The following LACC1 variants were observed in gnomAD, a reference collection of about 807,000 sequenced individuals.
LACC1 encodes purine nucleoside phosphorylase LACC1.
Under a neutral mutation model 34.8 loss-of-function variants are expected in LACC1, and 25 were observed. The ratio of observed to expected loss-of-function variants is 0.72; its 90% CI spans 0.52 to 1.00. LACC1 has a LOEUF of 1.00. Ranked by LOEUF, LACC1 falls within the 50% of genes least tolerant of loss-of-function variation. LACC1 has a pLI of 0.00. For missense variants in LACC1, 426 were observed against 511.2 expected (o/e 0.83, Z 1.61); for synonymous variants, 162 against 168.0 (o/e 0.96, Z 0.28).
intron 2 of LACC1, among the ~76,000 whole-genome samples, 165 bp downstream of exon 2, chr13:43,881,712 A>G (rs528460028): frequency 3.2e-4 from 49 of 152,322 alleles, no homozygotes; most frequent in African/African-American, 1.1e-3. Flanking sequence ...GCCCTGTAGT[A>G]TCAGGGGTGT....
At chr13:43,879,817 G>GCGAGGC (rs878998840), upstream of LACC1, 8 of 46,260 alleles carry the variant, frequency 1.7e-4, no homozygotes, top group Admixed American at 1.5e-3. Context: ...GCGGGGCGAG[G>GCGAGGC]TGGGCGAGGT....
In LACC1 at chr13:43,882,051, A is replaced by G. The variant is rs575463866; in HGVS notation, c.563-134A>G. The G allele has an allele frequency of 1.3e-5, 8 of 620,120 alleles. No individual in the cohort carries two copies. In the South Asian group the frequency reaches 1.8e-4, roughly 14 times the overall value. The allele number at this position is 620,120 out of a possible 1,614,324, so 38.4% of individuals were successfully genotyped here. ...ACACAAAGCAGAATGCCATAAGAAC[A>G]TATGGAGGTACAAAATGCCATAGAA... On this transcript the variant is annotated intron_variant, in intron 2 of 6. Coordinates refer to ENST00000325686, the MANE Select transcript of LACC1 (RefSeq NM_153218.4).
At chr13:43,882,572 T>TATAC (rs1302870312) in intron 3 of LACC1, among the ~76,000 whole-genome samples, 16 of 147,242 alleles carry the variant, frequency 1.1e-4, no homozygotes, top group African/African-American at 3.2e-4. Context: ...CAGATATATA[T>TATAC]ATATATATAT....
In LACC1 at chr13:43,883,777, C is replaced by A; in HGVS notation, c.748C>A (p.His250Asn). 3 of 1,608,672 alleles carry A rather than the reference C, an allele frequency of 1.9e-6. No homozygotes were observed. Among genetic ancestry groups the A allele is most frequent in the Non-Finnish European group, 2.5e-6 (3 of 1,177,104 alleles). Reference protein sequence around the residue: ...VEKFYRIKTHHSNDIWIMGRK... With the variant: ...VEKFYRIKTHNSNDIWIMGRK... ...TGCACATTTTTGGTATTAGACTCAT[C>A]ATTCCAATGACATCTGGATTATGGG... Residue 250 changes from histidine to asparagine, a missense_variant, in exon 4 of 7, where the codon CAT becomes AAT. By Grantham distance (68) the His-to-Asn change is moderately conservative. This residue lies in a region of LACC1 where 209 missense variants were observed against 300.3 expected (regional missense o/e 0.70). Transcript: ENST00000325686.
intron 5 of LACC1, among the ~76,000 whole-genome samples, chr13:43,889,412 T>C (rs1490308847): frequency 6.6e-6 from 1 of 152,196 alleles, no homozygotes; most frequent in Non-Finnish European, 1.5e-5. Flanking sequence ...TTAGATAATA[T>C]AAATACACGG....
chr13:43,887,663 A>G (rs1040146243), intron 4 of LACC1, among the ~76,000 whole-genome samples: 25 of 152,314 alleles, frequency 1.6e-4, no homozygotes, highest in Middle Eastern at 6.8e-3. Flanking sequence ...TTGCTGAAGG[A>G]CATTAAAGAA....
intron 2 of LACC1, among the ~76,000 whole-genome samples, chr13:43,881,920 G>A (rs1955082547): frequency 1.3e-5 from 2 of 152,094 alleles, no homozygotes; most frequent in African/African-American, 4.8e-5. Flanking sequence ...TTACTTCTTG[G>A]TTAAACAGTA....
At chr13:43,890,789 G>T (rs1415963816) in intron 6 of LACC1, among the ~76,000 whole-genome samples, 1 of 152,200 alleles carries the variant, frequency 6.6e-6, no homozygotes, top group South Asian at 2.1e-4. Context: ...ATTATCTGCA[G>T]TTGGAGTTGC....
chr13:43,884,336 A>G (rs1955213430), intron 4 of LACC1, among the ~76,000 whole-genome samples: 1 of 152,184 alleles, frequency 6.6e-6, no homozygotes, highest in Non-Finnish European at 1.5e-5. Context: ...CAACCAACCA[A>G]TCAAACAACA....
At chr13:43,882,451 G>A (rs1483584257) in intron 3 of LACC1, 88 bp downstream of exon 3, 5 of 939,506 alleles carry the variant, frequency 5.3e-6, no homozygotes, top group African/African-American at 5.0e-5. Flanking sequence ...TTTAACTTTT[G>A]TATCTGCTTT....
At chr13:43,886,412 A>G (rs775282489) in intron 4 of LACC1, among the ~76,000 whole-genome samples, 7 of 152,238 alleles carry the variant, frequency 4.6e-5, no homozygotes, top group Non-Finnish European at 1.0e-4. Flanking sequence ...TACATAATGG[A>G]ATACTATAAA....
At chr13:43,890,375 C>T in intron 6 of LACC1, 101 bp downstream of exon 6, 1 of 932,996 alleles carries the variant, frequency 1.1e-6, no homozygotes, top group East Asian at 2.8e-5. Flanking sequence ...CCTATTCCTC[C>T]CCTTATTTAA....
rs190930034 is a variant in LACC1, at chr13:43,892,682, T to C, written c.*1235T>C. ...ATACAGAGATGATACCTGATTCTATTGGAGCAGGTTTGATCATCTAGGCAG... is the reference window on the plus strand; with the variant it reads ...ATACAGAGATGATACCTGATTCTATCGGAGCAGGTTTGATCATCTAGGCAG... On this transcript the variant is annotated 3_prime_UTR_variant, in exon 7 of 7. Transcript: ENST00000325686. 6 of 152,230 alleles carry C rather than the reference T, an allele frequency of 3.9e-5. No homozygotes were observed. The highest frequency in any genetic ancestry group is 5.9e-5 in the Non-Finnish European group (4 of 67,982). 9.4% of individuals were successfully genotyped at this position (152,230 alleles called of 1,614,324 possible).
At chr13:43,879,778 T>TAGGCGAGGTGAGGCGGGGC (rs1954851862), upstream of LACC1, 1 of 103,400 alleles carries the variant, frequency 9.7e-6, no homozygotes, top group African/African-American at 3.5e-5. Flanking sequence ...GGGGGCGAGG[T>TAGGCGAGGTGAGGCGGGGC]GAGGCGGGGC....
At position 43,893,277 on chromosome 13, in the gene LACC1, A is replaced by G. The variant is rs1955630444; in HGVS notation, c.*1830A>G. 6.6e-6 allele frequency: 1 copy of G among 152,028 alleles called. No homozygotes were observed. The highest frequency in any genetic ancestry group is 2.1e-4 in the South Asian group (1 of 4,826). The allele number at this position is 152,028 out of a possible 1,614,324, so 9.4% of individuals were successfully genotyped here. On this transcript the variant is annotated 3_prime_UTR_variant, in exon 7 of 7. Transcript: ENST00000325686. ...AGCTACTCTGAAATACACAGGCATT[A>G]TCCCTTTTATTCAGCTGAGAAAACT...
chr13:43,885,504 G>A (rs1014423098), intron 4 of LACC1, among the ~76,000 whole-genome samples: 1 of 152,062 alleles, frequency 6.6e-6, no homozygotes, highest in African/African-American at 2.4e-5. Flanking sequence ...CAAGCAATGA[G>A]GAAAGGAATC....
upstream of LACC1, chr13:43,879,898 C>G (rs2138237207): frequency 6.6e-6 from 1 of 152,288 alleles, no homozygotes; most frequent in Non-Finnish European, 1.5e-5. Context: ...CCGCTCGCGG[C>G]TGCCCAATTT....
chr13:43,889,992 A>T, intron 5 of LACC1, 122 bp from the exon 6 acceptor site: 1 of 751,750 alleles, frequency 1.3e-6, no homozygotes, highest in East Asian at 2.7e-5. Context: ...ATAACAATAT[A>T]CATTGTTCTA....
rs1307778314 is a variant in LACC1, at chr13:43,892,403, T to A, written c.*956T>A. On this transcript the variant is annotated 3_prime_UTR_variant, in exon 7 of 7. Transcript: ENST00000325686. Reference sequence around the variant, plus strand: ...TTTAAGAGATGGAATCAATAGATCCTGTTACTAGATAATGGAAGTAAGAGG... The same window carrying A: ...TTTAAGAGATGGAATCAATAGATCCAGTTACTAGATAATGGAAGTAAGAGG... 1.3e-5 allele frequency: 2 copies of A among 151,990 alleles called. No individual in the cohort carries two copies. The highest frequency in any genetic ancestry group is 2.9e-5 in the Non-Finnish European group (2 of 67,958). 9.4% of individuals were successfully genotyped at this position (151,990 alleles called of 1,614,324 possible). A position where few individuals can be genotyped will look rare whatever the true frequency, so the allele number is the denominator to read the frequency against.
Sources: gnomAD v4.1 joint callset for allele counts (sites outside exome capture counted in the v4.1 genomes callset) on GRCh38, gnomAD v4.1.1 for gene constraint, gnomAD v4.1.1 regional missense constraint, MANE v1.5 for transcripts, NCBI Gene and HGNC (gene_info 2026-07-23, HGNC 2026-07-21) for gene names.